FER: variants seen among roughly 807,000 people sequenced by gnomAD.
The protein encoded by FER is FER tyrosine kinase.
In FER, 63 loss-of-function variants were observed where a neutral mutation model predicts 111.0. That is an observed-to-expected ratio of 0.57 (90% CI 0.46 to 0.70). The LOEUF (loss-of-function observed/expected upper bound fraction) is 0.70. Ranked by LOEUF, FER falls within the 30% of genes least tolerant of loss-of-function variation. The pLI is 0.00. For synonymous variants in FER, 327 were observed against 313.9 expected, an observed-to-expected ratio of 1.04 and a Z score of -0.44; for missense variants, 914 against 954.0, an observed-to-expected ratio of 0.96 and a Z score of 0.55.
Position 109,125,603 on chromosome 5 carries a change from G to C in FER, c.2048+25084G>C, listed in dbSNP as rs530539349. 5.3e-5 allele frequency among the ~76,000 whole-genome samples: 8 copies of C among 152,334 alleles called. No homozygotes were observed. The South Asian group carries it at 1.4e-3, about 28-fold the overall frequency. On this transcript the variant is annotated intron_variant, in intron 17 of 19. Transcript: ENST00000281092. ...CTTATAGAAGATTGGTGAAGATTCA[G>C]TGTAAAGTGTTTGGCACAGTGCTTA...
At chr5:109,146,290 A>ATATATATATATATATATC (rs1458419510) in intron 17 of FER, among the ~76,000 whole-genome samples, 1 of 114,046 alleles carries the variant, frequency 8.8e-6, no homozygotes, top group African/African-American at 3.8e-5. Context: ...ATATATATAT[A>ATATATATATATATATATC]TCTTGGGTAG....
At chr5:108,795,115 G>A (rs1755864548) in intron 2 of FER, among the ~76,000 whole-genome samples, 1 of 152,170 alleles carries the variant, frequency 6.6e-6, no homozygotes, top group African/African-American at 2.4e-5. Context: ...CTTGCACGTA[G>A]GAGTTTGACA....
chr5:108,855,929 T>C (rs1262456718), intron 5 of FER, among the ~76,000 whole-genome samples: 1 of 150,480 alleles, frequency 6.6e-6, no homozygotes, highest in Admixed American at 6.6e-5. Flanking sequence ...CTGGAAGAAG[T>C]GTAGTAAAGG....
intron 1 of FER, among the ~76,000 whole-genome samples, chr5:108,763,477 G>C (rs1201786029): frequency 6.6e-6 from 1 of 152,192 alleles, no homozygotes; most frequent in African/African-American, 2.4e-5. Flanking sequence ...CTTGTATAGG[G>C]TGTTGGCACA....
At position 109,031,178 on chromosome 5, in the gene FER, G is replaced by A. The variant is rs76973586; in HGVS notation, c.1657-6244G>A. Among the ~76,000 whole-genome samples, 385 of 152,176 alleles carry A rather than the reference G, an allele frequency of 2.5e-3. 1 individual carries two copies. Among genetic ancestry groups the A allele is most frequent in the African/African-American group, 8.1e-3 (337 of 41,524 alleles). On this transcript the variant is annotated intron_variant, in intron 13 of 19. Coordinates refer to ENST00000281092, the MANE Select transcript of FER (RefSeq NM_005246.4). ...GGGGAGGAATAGGCCTAACTGAGCC[G>A]CCTTCTATGGCTATGTTGGGAGTCA...
At chr5:109,148,276 T>A (rs989765365) in intron 17 of FER, among the ~76,000 whole-genome samples, 4 of 152,144 alleles carry the variant, frequency 2.6e-5, no homozygotes, top group Non-Finnish European at 5.9e-5. Context: ...ATATAGGAGA[T>A]TCTTTTGAGG....
chr5:108,928,300 A>C (rs1754070806), intron 10 of FER, among the ~76,000 whole-genome samples: 1 of 152,218 alleles, frequency 6.6e-6, no homozygotes, highest in South Asian at 2.1e-4. Context: ...AAGGCCTGGT[A>C]CTTACCCTCC....
intron 5 of FER, among the ~76,000 whole-genome samples, chr5:108,861,596 A>G (rs906065167): frequency 5.3e-5 from 8 of 152,140 alleles, no homozygotes; most frequent in African/African-American, 1.9e-4. Context: ...AGCACACAAA[A>G]CAAAGATAGG....
intron 13 of FER, among the ~76,000 whole-genome samples, chr5:109,026,149 A>G (rs1197771825): frequency 6.6e-6 from 1 of 152,210 alleles, no homozygotes; most frequent in Admixed American, 6.6e-5. Context: ...GGGAAATTAC[A>G]TAGACATACA....
At chr5:108,832,985 C>T (rs2150132857) in intron 4 of FER, 42 bp downstream of exon 4, 1 of 1,486,740 alleles carries the variant, frequency 6.7e-7, no homozygotes, top group Non-Finnish European at 9.0e-7. Context: ...AAATTGTTTT[C>T]CAAATTCACA....
chr5:108,934,114 G>A (rs777773486), intron 10 of FER, among the ~76,000 whole-genome samples: 1 of 152,124 alleles, frequency 6.6e-6, no homozygotes, highest in Non-Finnish European at 1.5e-5. Context: ...TTGAATAGGA[G>A]TGGTGAGACA....
intron 5 of FER, among the ~76,000 whole-genome samples, chr5:108,852,825 C>G (rs895071487): frequency 3.3e-5 from 5 of 152,058 alleles, no homozygotes; most frequent in African/African-American, 1.2e-4. Context: ...GCACTCTTAG[C>G]TTTAATTTGC....
At chr5:109,091,767 T>C (rs1348674698) in intron 16 of FER, among the ~76,000 whole-genome samples, 1 of 152,152 alleles carries the variant, frequency 6.6e-6, no homozygotes, top group Non-Finnish European at 1.5e-5. Context: ...ACAAATGCTG[T>C]GGTTTGAATC....
At chr5:109,063,211 T>G (rs1279604167) in intron 16 of FER, among the ~76,000 whole-genome samples, 1 of 152,220 alleles carries the variant, frequency 6.6e-6, no homozygotes, top group Non-Finnish European at 1.5e-5. Context: ...ATAGTACATT[T>G]CACTAATTTT....
chr5:109,133,003 A>G (rs976616813), intron 17 of FER, among the ~76,000 whole-genome samples: 24 of 152,212 alleles, frequency 1.6e-4, no homozygotes, highest in Non-Finnish European at 3.2e-4. Context: ...CCTCATATGT[A>G]GTTTCCAAAA....
At chr5:109,128,229 G>GT (rs538696603) in intron 17 of FER, among the ~76,000 whole-genome samples, 1,575 of 145,206 alleles carry the variant, frequency 0.011, 9 homozygotes, top group African/African-American at 0.029. Flanking sequence ...AGATATACAA[G>GT]TTTTTTTTTT....
At position 108,814,685 on chromosome 5, in the gene FER, C is replaced by T. The variant is rs537359753; in HGVS notation, c.207+16296C>T. ...ATCAATCTGTTCCCTTAACCATAAACATCTAGAGGCTAGCAATACCTAACT... is the reference window on the plus strand; with the variant it reads ...ATCAATCTGTTCCCTTAACCATAAATATCTAGAGGCTAGCAATACCTAACT... On this transcript the variant is annotated intron_variant, in intron 3 of 19. Coordinates refer to ENST00000281092, the MANE Select transcript of FER (RefSeq NM_005246.4). Among the ~76,000 whole-genome samples the T allele has an allele frequency of 5.3e-5, 8 of 152,256 alleles. No homozygotes were observed. In the South Asian group the frequency reaches 1.7e-3, roughly 32 times the overall value.
intron 10 of FER, among the ~76,000 whole-genome samples, chr5:108,911,704 C>A (rs1217986359): frequency 3.9e-5 from 6 of 152,074 alleles, no homozygotes; most frequent in Admixed American, 3.9e-4. Flanking sequence ...TTCAGAGCAC[C>A]ATTTATTGGA....
At chr5:108,950,202 T>G (rs999856649) in intron 11 of FER, among the ~76,000 whole-genome samples, 26 of 152,162 alleles carry the variant, frequency 1.7e-4, no homozygotes, top group South Asian at 1.0e-3. Flanking sequence ...TTTGGCTTAG[T>G]TGTCTATTTT....
Sources: gnomAD v4.1 joint callset for allele counts (sites outside exome capture counted in the v4.1 genomes callset) on GRCh38, gnomAD v4.1.1 for gene constraint, MANE v1.5 for transcripts, NCBI Gene and HGNC (gene_info 2026-07-23, HGNC 2026-07-21) for gene names.